The following PDZD8 variants were observed in gnomAD, a reference collection of about 807,000 sequenced individuals.
The protein encoded by PDZD8 is PDZ domain containing 8.
A neutral mutation model predicts 85.8 loss-of-function variants in PDZD8; 14 were observed. The ratio of observed to expected loss-of-function variants is 0.16; its 90% CI spans 0.11 to 0.26. PDZD8 has a LOEUF of 0.26. Among genes scored for constraint, PDZD8 ranks in the 10% least tolerant of loss-of-function variants. The pLI, the probability that PDZD8 is intolerant of heterozygous loss-of-function variation, is 1.00. For missense variants in PDZD8, 1,197 were observed against 1,424.3 expected, an observed-to-expected ratio of 0.84 and a Z score of 2.57; for synonymous variants, 592 against 568.6, an observed-to-expected ratio of 1.04 and a Z score of -0.59.
At chr10:117,287,549 A>G (rs1844686794) in intron 4 of PDZD8, among the ~76,000 whole-genome samples, 1 of 152,170 alleles carries the variant, frequency 6.6e-6, no homozygotes. Flanking sequence ...CCTCACTACT[A>G]TCAATCAACT....
Position 117,375,072 on chromosome 10 carries a change from C to A in PDZD8, c.156G>T (p.Pro52=), listed in dbSNP as rs753411635. 1.2e-6 allele frequency: 2 copies of A among 1,600,830 alleles called. No individual in the cohort carries two copies. Among genetic ancestry groups the A allele is most frequent in the Admixed American group, 3.4e-5 (2 of 59,554 alleles). The change falls in exon 1 of 5, where the codon CCG becomes CCT. Residue 52 remains proline, a synonymous_variant. Transcript: ENST00000334464. ...GEGFRYIKPV[P]GLLLREYLYG... Reference sequence around the variant, plus strand: ...AAAGGTACTCCCTTAGGAGCAGGCCCGGCACTGGCTTGATGTAGCGGAAGC... The same window carrying A: ...AAAGGTACTCCCTTAGGAGCAGGCCAGGCACTGGCTTGATGTAGCGGAAGC...
intron 1 of PDZD8, among the ~76,000 whole-genome samples, chr10:117,345,157 TC>T (rs1554856251): frequency 6.6e-6 from 1 of 152,180 alleles, no homozygotes; most frequent in Non-Finnish European, 1.5e-5. Context: ...CCCAATCTCT[TC>T]CCAAAGGAAT....
intron 3 of PDZD8, among the ~76,000 whole-genome samples, chr10:117,301,147 C>A (rs1434511542): frequency 6.6e-6 from 1 of 152,108 alleles, no homozygotes; most frequent in African/African-American, 2.4e-5. Flanking sequence ...TGCCACCACA[C>A]CTGGCTAATT....
chr10:117,325,827 G>A (rs1380689296), intron 2 of PDZD8, among the ~76,000 whole-genome samples: 1 of 152,034 alleles, frequency 6.6e-6, no homozygotes, highest in East Asian at 1.9e-4. Flanking sequence ...ATACGGTTTG[G>A]CTCCGTTTCC....
intron 3 of PDZD8, among the ~76,000 whole-genome samples, chr10:117,316,712 G>A (rs987099877): frequency 6.6e-6 from 1 of 151,912 alleles, no homozygotes; most frequent in Non-Finnish European, 1.5e-5. Context: ...AAATGAAAAG[G>A]TCATCAAATA....
chr10:117,354,938 T>C (rs963643664), intron 1 of PDZD8, among the ~76,000 whole-genome samples: 46 of 152,174 alleles, frequency 3.0e-4, no homozygotes, highest in Non-Finnish European at 1.8e-4. Context: ...TTTCAAAACC[T>C]CTATTAGTTG....
chr10:117,368,977 T>C (rs1845140140), intron 1 of PDZD8, among the ~76,000 whole-genome samples: 1 of 146,432 alleles, frequency 6.8e-6, no homozygotes, highest in South Asian at 2.3e-4. Flanking sequence ...TGCCTCAGCA[T>C]CCCCAGCAGC....
chr10:117,289,898 G>C (rs1387632759), intron 4 of PDZD8, among the ~76,000 whole-genome samples: 1 of 152,186 alleles, frequency 6.6e-6, no homozygotes, highest in African/African-American at 2.4e-5. Context: ...AAAATAAATA[G>C]AGTAGTAGAA....
At chr10:117,364,504 T>C (rs1845055062) in intron 1 of PDZD8, among the ~76,000 whole-genome samples, 1 of 151,590 alleles carries the variant, frequency 6.6e-6, no homozygotes, top group Non-Finnish European at 1.5e-5. Flanking sequence ...CATATTTCCG[T>C]AGGAAGTCTG....
intron 3 of PDZD8, among the ~76,000 whole-genome samples, chr10:117,311,450 T>C (rs932525481): frequency 6.6e-6 from 1 of 152,138 alleles, no homozygotes; most frequent in Non-Finnish European, 1.5e-5. Context: ...GCCTTAGTCA[T>C]ACCGAAAACA....
chr10:117,336,246 A>G (rs1447151378), intron 2 of PDZD8, among the ~76,000 whole-genome samples: 2 of 152,166 alleles, frequency 1.3e-5, no homozygotes, highest in Admixed American at 6.5e-5. Context: ...ACCGAAAAAC[A>G]CTCAGATTCT....
At chr10:117,289,513 C>T (rs1442896477) in intron 4 of PDZD8, among the ~76,000 whole-genome samples, 1 of 152,242 alleles carries the variant, frequency 6.6e-6, no homozygotes, top group Non-Finnish European at 1.5e-5. Flanking sequence ...TTTCCCCTCA[C>T]TGCTGTGCAC....
chr10:117,331,458 A>G (rs542692773), intron 2 of PDZD8, among the ~76,000 whole-genome samples: 23 of 152,220 alleles, frequency 1.5e-4, no homozygotes, highest in Admixed American at 1.5e-3. Flanking sequence ...AGTTGAGACA[A>G]ATGGGTTGAA....
At chr10:117,333,424 T>TA (rs1033060754) in intron 2 of PDZD8, among the ~76,000 whole-genome samples, 18 of 152,034 alleles carry the variant, frequency 1.2e-4, no homozygotes, top group African/African-American at 4.1e-4. Context: ...TATTTTTCCT[T>TA]AAAAAAATGT....
rs1478470962 is a variant in PDZD8 at position 117,284,622 on chromosome 10, A to G, written c.2111T>C (p.Ile704Thr). ...GTTTAAGTACCTGTGACAGGCTTCT[A>G]TGTCAAACAAACAGGATGCTCTGGT... ...TRTRASCLFDIEACHRYLNIA... is the reference protein window; with the variant it reads ...TRTRASCLFDTEACHRYLNIA... Residue 704 changes from isoleucine to threonine, a missense_variant, in exon 5 of 5, where the codon ATA becomes ACA. Ile to Thr is a moderately conservative substitution (Grantham distance 89). Transcript: ENST00000334464. 4 of 1,614,112 alleles carry G rather than the reference A, an allele frequency of 2.5e-6. No individual in the cohort carries two copies. The highest frequency in any genetic ancestry group is 3.4e-6 in the Non-Finnish European group (4 of 1,180,034).
intron 2 of PDZD8, among the ~76,000 whole-genome samples, chr10:117,334,364 C>T (rs955804656): frequency 6.6e-6 from 1 of 152,034 alleles, no homozygotes; most frequent in Non-Finnish European, 1.5e-5. Flanking sequence ...AAAAATTAGC[C>T]AGATGTTGGT....
chr10:117,347,683 G>A (rs1190839611), intron 1 of PDZD8, among the ~76,000 whole-genome samples: 2 of 152,070 alleles, frequency 1.3e-5, no homozygotes, highest in African/African-American at 4.8e-5. Flanking sequence ...AGTACAATAA[G>A]TGAAATTTAA....
intron 2 of PDZD8, among the ~76,000 whole-genome samples, chr10:117,326,320 G>C (rs531334013): frequency 2.0e-5 from 3 of 152,186 alleles, no homozygotes; most frequent in African/African-American, 7.2e-5. Flanking sequence ...TGCCTAATGT[G>C]TGGGCCACAC....
At chr10:117,308,941 T>C (rs1241578717) in intron 3 of PDZD8, among the ~76,000 whole-genome samples, 1 of 152,104 alleles carries the variant, frequency 6.6e-6, no homozygotes, top group East Asian at 1.9e-4. Flanking sequence ...TGAATATATG[T>C]GGACAGGGAG....
Sources: allele counts gnomAD v4.1 joint callset (sites outside exome capture counted in the v4.1 genomes callset), GRCh38; gene constraint gnomAD v4.1.1; transcripts MANE v1.5; gene names NCBI Gene and HGNC (gene_info 2026-07-23, HGNC 2026-07-21).